The following RNF217 variants were observed in gnomAD, a reference collection of about 807,000 sequenced individuals.
The protein encoded by RNF217 is E3 ubiquitin-protein ligase RNF217.
Under a neutral mutation model 57.8 loss-of-function variants are expected in RNF217, and 31 were observed. That is an observed-to-expected ratio of 0.54 (90% CI 0.40 to 0.72). The LOEUF (loss-of-function observed/expected upper bound fraction) is 0.72, where lower values mean the gene tolerates loss of function less well. RNF217 is among the 30% of genes least tolerant of loss of function. The pLI is 0.00. For missense variants in RNF217, 696 were observed against 708.3 expected (o/e 0.98, Z 0.20); for synonymous variants, 313 against 294.0 (o/e 1.06, Z -0.66).
intron 1 of RNF217, chr6:125,009,139 A>G: frequency 7.5e-7 from 1 of 1,331,964 alleles, no homozygotes; most frequent in Non-Finnish European, 1.0e-6. Flanking sequence ...TTGTTCTTTG[A>G]CCTTTTGCCA....
At chr6:125,021,389 C>T (rs1344449823) in intron 1 of RNF217, among the ~76,000 whole-genome samples, 2 of 151,872 alleles carry the variant, frequency 1.3e-5, no homozygotes, top group African/African-American at 4.8e-5. Context: ...CCTCAGCCTC[C>T]CAAGTAGCTG....
chr6:125,046,161 C>CCCCCGAG (rs1466760671), intron 2 of RNF217, among the ~76,000 whole-genome samples: 27 of 152,128 alleles, frequency 1.8e-4, no homozygotes, highest in African/African-American at 6.0e-4. Flanking sequence ...AAGTGCACGG[C>CCCCCGAG]CCCCGAGGCT....
At chr6:125,081,547 A>C in intron 5 of RNF217, 40 bp downstream of exon 5, 1 of 1,478,522 alleles carries the variant, frequency 6.8e-7, no homozygotes. Flanking sequence ...GAATTATCTG[A>C]GGGCCATAGA....
At chr6:125,046,746 G>A (rs192154384) in intron 2 of RNF217, 2 of 451,768 alleles carry the variant, frequency 4.4e-6, no homozygotes, top group East Asian at 1.4e-4. Flanking sequence ...GGTTTAGCAG[G>A]TAGTTTCCTC....
At chr6:125,051,388 G>T (rs1047925057) in intron 2 of RNF217, among the ~76,000 whole-genome samples, 1 of 151,372 alleles carries the variant, frequency 6.6e-6, no homozygotes, top group African/African-American at 2.4e-5. Context: ...CTTATAAAAT[G>T]GTCTGGAAGA....
In RNF217 at chr6:124,963,086, A is replaced by G. The variant is rs971926985; in HGVS notation, c.542A>G (p.Gln181Arg). The G allele has an allele frequency of 6.5e-6, 10 of 1,549,040 alleles. No individual in the cohort carries two copies. The highest frequency in any genetic ancestry group is 2.7e-5 in the African/African-American group (2 of 73,470). Residue 181 changes from glutamine to arginine, a missense_variant, in exon 1 of 6, where the codon CAG (glutamine) becomes CGG (arginine). Gln to Arg is a conservative substitution (Grantham distance 43). Transcript: ENST00000521654. ...CTGCCCGAGGCCCCCGCCTCGGAGC[A>G]GCTCTCGCCGCCCGCGTCGCCACCT... ...SDLPEAPASEQLSPPASPPGA... is the reference protein window; with the variant it reads ...SDLPEAPASERLSPPASPPGA...
intron 1 of RNF217, among the ~76,000 whole-genome samples, chr6:124,998,589 G>A (rs1004716021): frequency 6.6e-6 from 1 of 152,162 alleles, no homozygotes; most frequent in African/African-American, 2.4e-5. Flanking sequence ...CATGAGGTCA[G>A]GAGATCAAGA....
chr6:125,027,024 T>C (rs1368416429), intron 1 of RNF217, among the ~76,000 whole-genome samples: 1 of 152,116 alleles, frequency 6.6e-6, no homozygotes, highest in African/African-American at 2.4e-5. Flanking sequence ...TTAACATTTT[T>C]GTGGGTACAT....
chr6:125,017,939 G>A (rs1044365426), intron 1 of RNF217, among the ~76,000 whole-genome samples: 1 of 152,118 alleles, frequency 6.6e-6, no homozygotes, highest in Non-Finnish European at 1.5e-5. Context: ...ATATTTTCAC[G>A]AATCACATTT....
At chr6:125,024,025 G>GT (rs887967097) in intron 1 of RNF217, among the ~76,000 whole-genome samples, 1 of 152,144 alleles carries the variant, frequency 6.6e-6, no homozygotes. Context: ...ACTATAGTTA[G>GT]TAACAATGCA....
chr6:125,062,358 A>G (rs954466123), intron 3 of RNF217, among the ~76,000 whole-genome samples: 2 of 152,096 alleles, frequency 1.3e-5, no homozygotes, highest in Non-Finnish European at 2.9e-5. Context: ...TTTTATTTAT[A>G]ATTGTATTTT....
At chr6:125,005,108 C>T (rs949799881) in intron 1 of RNF217, among the ~76,000 whole-genome samples, 1 of 152,154 alleles carries the variant, frequency 6.6e-6, no homozygotes, top group South Asian at 2.1e-4. Flanking sequence ...GGGCATAACC[C>T]TCGTGACCTA....
At position 124,995,129 on chromosome 6, in the gene RNF217, C is replaced by T. The variant is rs149367987; in HGVS notation, c.882+31703C>T. 1.5e-3 allele frequency among the ~76,000 whole-genome samples: 224 copies of T among 152,258 alleles called. 2 individuals carry two copies. The highest frequency in any genetic ancestry group is 5.0e-3 in the African/African-American group (206 of 41,552). On this transcript the variant is annotated intron_variant, in intron 1 of 5. Coordinates refer to ENST00000521654, the MANE Select transcript of RNF217 (RefSeq NM_001286398.3). ...GTGGTTTGTCAGTTATTTATACCAC[C>T]ACCTTCTTCATCCATATTTTATTAA... is the stretch of plus-strand genomic sequence containing the variant.
intron 3 of RNF217, among the ~76,000 whole-genome samples, chr6:125,063,821 GA>G (rs917549857): frequency 6.6e-6 from 1 of 151,862 alleles, no homozygotes; most frequent in Non-Finnish European, 1.5e-5. Context: ...AAAGCAAGCA[GA>G]AAAAAAGTGA....
intron 3 of RNF217, among the ~76,000 whole-genome samples, chr6:125,070,644 C>T (rs1788098305): frequency 6.6e-6 from 1 of 152,134 alleles, no homozygotes; most frequent in Non-Finnish European, 1.5e-5. Context: ...GGTATCTCTT[C>T]TTTTGAGAAA....
At chr6:125,003,808 A>C (rs1785071486) in intron 1 of RNF217, among the ~76,000 whole-genome samples, 1 of 152,150 alleles carries the variant, frequency 6.6e-6, no homozygotes, top group African/African-American at 2.4e-5. Context: ...TCATACCATA[A>C]GAAGCTCATA....
At chr6:125,048,866 G>A (rs1036718281) in intron 2 of RNF217, among the ~76,000 whole-genome samples, 35 of 151,942 alleles carry the variant, frequency 2.3e-4, no homozygotes, top group African/African-American at 7.7e-4. Flanking sequence ...TGAGTAAATA[G>A]AGCTTTATAT....
rs867271109 is a variant in RNF217 at position 125,034,671 on chromosome 6, C to T, written c.883-10540C>T. Among the ~76,000 whole-genome samples, 11 of 152,076 alleles carry T rather than the reference C, an allele frequency of 7.2e-5. No homozygotes were observed. In the East Asian group the frequency reaches 7.7e-4, roughly 11 times the overall value. ...TTCTTTTGGCTTAGGATTGGCTTGG[C>T]GATGCAGGCTCTTTTTTGGTTCCAT... On this transcript the variant is annotated intron_variant, in intron 1 of 5. Coordinates refer to ENST00000521654, the MANE Select transcript of RNF217 (RefSeq NM_001286398.3).
chr6:125,044,110 G>A (rs892749443), intron 1 of RNF217, among the ~76,000 whole-genome samples: 3 of 151,262 alleles, frequency 2.0e-5, no homozygotes, highest in Admixed American at 6.6e-5. Context: ...CCCAAACTGC[G>A]TGGCTTTCTC....
Sources: gnomAD v4.1 joint callset for allele counts (sites outside exome capture counted in the v4.1 genomes callset) on GRCh38, gnomAD v4.1.1 for gene constraint, MANE v1.5 for transcripts, NCBI Gene and HGNC (gene_info 2026-07-23, HGNC 2026-07-21) for gene names.